Variants in PRKCA observed in about 807,000 individuals in gnomAD.
The protein encoded by PRKCA is protein kinase C alpha, also known as protein kinase C alpha type.
PRKCA carries 27 observed loss-of-function variants against 87.0 expected under a neutral mutation model. That is an observed-to-expected ratio of 0.31 (90% CI 0.23 to 0.43). The LOEUF is 0.43. Among genes scored for constraint, PRKCA ranks in the 20% least tolerant of loss-of-function variants. PRKCA has a pLI of 1.00. For synonymous variants in PRKCA, 329 were observed against 311.1 expected (o/e 1.06, Z -0.61); for missense variants, 518 against 852.3 (o/e 0.61, Z 4.88).
chr17:66,515,454 A>T (rs992583176), intron 3 of PRKCA, among the ~76,000 whole-genome samples: 2 of 152,164 alleles, frequency 1.3e-5, no homozygotes, highest in Non-Finnish European at 2.9e-5. Context: ...ACGTCATGAC[A>T]GGTTTTGAGA....
intron 3 of PRKCA, among the ~76,000 whole-genome samples, chr17:66,590,855 A>T (rs1969782199): frequency 6.6e-6 from 1 of 152,130 alleles, no homozygotes; most frequent in Non-Finnish European, 1.5e-5. Flanking sequence ...GTCTCAAAAA[A>T]AAAAAAGTGG....
chr17:66,413,365 A>G (rs1003704746), intron 2 of PRKCA, among the ~76,000 whole-genome samples: 7 of 152,148 alleles, frequency 4.6e-5, no homozygotes, highest in African/African-American at 1.4e-4. Context: ...TGCCCTTTCC[A>G]GATGTGCCAG....
intron 5 of PRKCA, among the ~76,000 whole-genome samples, chr17:66,654,153 G>C (rs1348384035): frequency 6.6e-6 from 1 of 152,128 alleles, no homozygotes; most frequent in Non-Finnish European, 1.5e-5. Context: ...TCTAGCCAGG[G>C]GACCCTTATT....
At chr17:66,508,666 C>G (rs145720437) in intron 3 of PRKCA, among the ~76,000 whole-genome samples, 20 of 152,164 alleles carry the variant, frequency 1.3e-4, no homozygotes, top group African/African-American at 4.8e-4. Flanking sequence ...TTTTTTGTTT[C>G]ACGCACCTAA....
intron 3 of PRKCA, among the ~76,000 whole-genome samples, chr17:66,633,897 C>T (rs892395385): frequency 6.6e-6 from 1 of 152,240 alleles, no homozygotes; most frequent in Non-Finnish European, 1.5e-5. Context: ...TCTCCAGCCT[C>T]AACTACTGCC....
intron 2 of PRKCA, among the ~76,000 whole-genome samples, chr17:66,405,933 A>G (rs1196238719): frequency 6.6e-6 from 1 of 152,114 alleles, no homozygotes; most frequent in Non-Finnish European, 1.5e-5. Context: ...GACAATTATT[A>G]TGGTTGGTGT....
chr17:66,605,001 T>C (rs918220524), intron 3 of PRKCA, among the ~76,000 whole-genome samples: 1 of 152,136 alleles, frequency 6.6e-6, no homozygotes, highest in Non-Finnish European at 1.5e-5. Flanking sequence ...CTGGAAGACA[T>C]AAGCATCCCT....
chr17:66,415,443 A>G (rs1280856569), intron 2 of PRKCA: 1 of 152,150 alleles, frequency 6.6e-6, no homozygotes, highest in Non-Finnish European at 1.5e-5. Context: ...GTTTACCTAC[A>G]CTTGCTCAGC....
At chr17:66,795,589 A>G (rs972556144) in intron 16 of PRKCA, among the ~76,000 whole-genome samples, 1 of 152,238 alleles carries the variant, frequency 6.6e-6, no homozygotes, top group Admixed American at 6.5e-5. Flanking sequence ...GGAAGAAATG[A>G]GACATTTAAA....
intron 3 of PRKCA, among the ~76,000 whole-genome samples, chr17:66,586,786 A>G (rs182178499): frequency 3.3e-5 from 5 of 152,280 alleles, no homozygotes; most frequent in African/African-American, 1.2e-4. Flanking sequence ...ATCATCCACT[A>G]TCACCAGTTA....
intron 2 of PRKCA, among the ~76,000 whole-genome samples, chr17:66,378,120 C>T (rs1158832243): frequency 1.3e-5 from 2 of 151,776 alleles, no homozygotes; most frequent in African/African-American, 2.4e-5. Context: ...GTGAGGAGTT[C>T]GAGACCAGCC....
intron 14 of PRKCA, among the ~76,000 whole-genome samples, chr17:66,781,866 GAGATAT>G (rs146828120): frequency 0.16 from 20,567 of 130,874 alleles, 1,548 homozygotes; most frequent in Non-Finnish European, 0.17. Context: ...GAGAGAGAGA[GAGATAT>G]ATATATATAT....
At chr17:66,449,631 G>A (rs1914210391) in intron 2 of PRKCA, among the ~76,000 whole-genome samples, 1 of 152,176 alleles carries the variant, frequency 6.6e-6, no homozygotes, top group African/African-American at 2.4e-5. Context: ...AAAGGCCCCT[G>A]TGTCTGAAGC....
At chr17:66,607,456 C>T (rs2361491) in intron 3 of PRKCA, among the ~76,000 whole-genome samples, 58,455 of 152,048 alleles carry the variant, frequency 0.38, 11,948 homozygotes, top group African/African-American at 0.51. Context: ...AAAATCTGAG[C>T]CTTGCATATT....
chr17:66,697,077 G>A (rs1050344828), intron 8 of PRKCA, among the ~76,000 whole-genome samples: 1 of 152,198 alleles, frequency 6.6e-6, no homozygotes, highest in Non-Finnish European at 1.5e-5. Flanking sequence ...TCTCCTCAGA[G>A]AGTCGAGAAA....
At chr17:66,433,205 G>A (rs976087093) in intron 2 of PRKCA, among the ~76,000 whole-genome samples, 5 of 152,148 alleles carry the variant, frequency 3.3e-5, no homozygotes, top group African/African-American at 9.7e-5. Context: ...GTATACCTCA[G>A]TGTATGTGTT....
intron 3 of PRKCA, among the ~76,000 whole-genome samples, chr17:66,522,545 G>T (rs147038281): frequency 6.6e-6 from 1 of 152,070 alleles, no homozygotes; most frequent in Non-Finnish European, 1.5e-5. Flanking sequence ...TCAGTCCAGC[G>T]CCAGGTGCCG....
chr17:66,327,630 T>C (rs372766631), intron 2 of PRKCA, among the ~76,000 whole-genome samples: 13 of 152,346 alleles, frequency 8.5e-5, no homozygotes, highest in Middle Eastern at 3.4e-3. Flanking sequence ...GTCCTGTGTC[T>C]CCTTCGTCCA....
chr17:66,329,338 T>G (rs1273659186), intron 2 of PRKCA, among the ~76,000 whole-genome samples: 1 of 152,110 alleles, frequency 6.6e-6, no homozygotes. Flanking sequence ...GAGAAGTGCC[T>G]TAGAGGTCTC....
Sources: allele counts gnomAD v4.1 joint callset (sites outside exome capture counted in the v4.1 genomes callset), GRCh38; gene constraint gnomAD v4.1.1; transcripts MANE v1.5; gene names NCBI Gene and HGNC (gene_info 2026-07-23, HGNC 2026-07-21).